Variants in ILRUN observed in about 807,000 individuals in gnomAD.
ILRUN encodes the protein inflammation and lipid regulator with UBA-like and NBR1-like domains.
ILRUN carries 3 observed loss-of-function variants against 33.8 expected under a neutral mutation model. The ratio of observed to expected loss-of-function variants is 0.09; its 90% confidence interval spans 0.04 to 0.23. ILRUN has a LOEUF of 0.23. ILRUN is among the 10% of genes least tolerant of loss of function. The pLI, the probability that ILRUN is intolerant of heterozygous loss-of-function variation, is 1.00. For missense variants in ILRUN, 210 were observed against 375.1 expected, an observed-to-expected ratio of 0.56 and a Z score of 3.64; for synonymous variants, 124 against 138.9, an observed-to-expected ratio of 0.89 and a Z score of 0.75.
At chr6:34,691,408 C>T (rs1657678958) in intron 1 of ILRUN, among the ~76,000 whole-genome samples, 1 of 152,194 alleles carries the variant, frequency 6.6e-6, no homozygotes, top group African/African-American at 2.4e-5. Context: ...CTTCTGTTAA[C>T]AGACAGTTCC....
intron 3 of ILRUN, among the ~76,000 whole-genome samples, chr6:34,623,795 T>A (rs1401593892): frequency 6.6e-6 from 1 of 152,176 alleles, no homozygotes; most frequent in Non-Finnish European, 1.5e-5. Context: ...TATATGCAAA[T>A]AGGAAGACAA....
At chr6:34,614,459 AT>A (rs1761834261) in intron 3 of ILRUN, among the ~76,000 whole-genome samples, 4 of 131,262 alleles carry the variant, frequency 3.0e-5, no homozygotes, top group African/African-American at 6.3e-5. Context: ...TATATATAAA[AT>A]GTATATTATA....
At chr6:34,675,501 T>C (rs988307594) in intron 1 of ILRUN, among the ~76,000 whole-genome samples, 2 of 152,014 alleles carry the variant, frequency 1.3e-5, no homozygotes, top group African/African-American at 2.4e-5. Flanking sequence ...TGTGCAGTCA[T>C]AAAGAAAACA....
chr6:34,642,978 G>A (rs528281716), intron 3 of ILRUN, among the ~76,000 whole-genome samples: 1 of 147,630 alleles, frequency 6.8e-6, no homozygotes, highest in Non-Finnish European at 1.5e-5. Flanking sequence ...GGGTGACCAA[G>A]GAGAAAAAAA....
chr6:34,604,073 T>C (rs945470889), intron 4 of ILRUN, among the ~76,000 whole-genome samples: 1 of 152,234 alleles, frequency 6.6e-6, no homozygotes, highest in Admixed American at 6.5e-5. Flanking sequence ...TTTCAACGCA[T>C]TATAGTCAAC....
In ILRUN at chr6:34,622,478, C is replaced by T. The variant is rs58520136; in HGVS notation, c.512-15574G>A. ...AAAAGATACTCAACATTACTAATCACCGGGGAAATGCAAATCAAACCACAA... is the reference window on the plus strand; with the variant it reads ...AAAAGATACTCAACATTACTAATCATCGGGGAAATGCAAATCAAACCACAA... On this transcript the variant is annotated intron_variant, in intron 3 of 4. Transcript: ENST00000374023. Among the ~76,000 whole-genome samples the T allele has an allele frequency of 4.9e-3, 744 of 152,004 alleles. 7 individuals are homozygous for T. Among genetic ancestry groups the T allele is most frequent in the African/African-American group, 0.016 (674 of 41,440 alleles).
chr6:34,643,425 C>T (rs1052844905), intron 3 of ILRUN, among the ~76,000 whole-genome samples: 1 of 152,102 alleles, frequency 6.6e-6, no homozygotes, highest in Admixed American at 6.6e-5. Context: ...CAAGCAAAGG[C>T]AATTTTCTAA....
chr6:34,674,114 G>C (rs953845051), intron 1 of ILRUN, among the ~76,000 whole-genome samples: 1 of 152,058 alleles, frequency 6.6e-6, no homozygotes, highest in Non-Finnish European at 1.5e-5. Flanking sequence ...TGCAACCTCC[G>C]CCTCCGGGTT....
intron 1 of ILRUN, among the ~76,000 whole-genome samples, chr6:34,683,724 T>C (rs1224243147): frequency 6.6e-6 from 1 of 151,756 alleles, no homozygotes; most frequent in Non-Finnish European, 1.5e-5. Flanking sequence ...ATATTTGGTC[T>C]TCAGTGTTTT....
At chr6:34,638,168 A>G (rs1356515031) in intron 3 of ILRUN, among the ~76,000 whole-genome samples, 1 of 151,756 alleles carries the variant, frequency 6.6e-6, no homozygotes, top group East Asian at 1.9e-4. Flanking sequence ...GACTACAGGC[A>G]TGAGCCACCA....
intron 1 of ILRUN, among the ~76,000 whole-genome samples, chr6:34,688,359 C>T (rs960189417): frequency 1.4e-5 from 2 of 148,090 alleles, no homozygotes; most frequent in Non-Finnish European, 1.5e-5. Flanking sequence ...GCCATGATAG[C>T]GCCAGTGCAC....
At chr6:34,652,718 G>A (rs1469693573) in intron 2 of ILRUN, among the ~76,000 whole-genome samples, 1 of 152,060 alleles carries the variant, frequency 6.6e-6, no homozygotes, top group East Asian at 1.9e-4. Flanking sequence ...CGTATTTTTA[G>A]CCTAGTTTTC....
chr6:34,676,276 G>A (rs1763227252), intron 1 of ILRUN, among the ~76,000 whole-genome samples: 1 of 151,774 alleles, frequency 6.6e-6, no homozygotes, highest in Non-Finnish European at 1.5e-5. Flanking sequence ...GCACATTCCT[G>A]TAGTCCCAGC....
chr6:34,696,285 C>T, intron 1 of ILRUN, 161 bp downstream of exon 1: 1 of 719,614 alleles, frequency 1.4e-6, no homozygotes, highest in Non-Finnish European at 2.2e-6. Flanking sequence ...CCCAAATACT[C>T]CCTATGCCCA....
At chr6:34,636,150 A>C (rs914861708) in intron 3 of ILRUN, among the ~76,000 whole-genome samples, 1 of 152,150 alleles carries the variant, frequency 6.6e-6, no homozygotes, top group African/African-American at 2.4e-5. Flanking sequence ...TGTGAGACTG[A>C]GGTGGGAGGA....
intron 1 of ILRUN, among the ~76,000 whole-genome samples, chr6:34,661,864 G>A (rs1762892397): frequency 6.6e-6 from 1 of 152,050 alleles, no homozygotes. Flanking sequence ...GGTGGCTCAC[G>A]CCTGTAATCC....
At chr6:34,653,386 A>T (rs1042921875) in intron 2 of ILRUN, among the ~76,000 whole-genome samples, 5 of 151,854 alleles carry the variant, frequency 3.3e-5, no homozygotes, top group Admixed American at 3.3e-4. Context: ...GCCCAACACC[A>T]TACCCGGTTA....
chr6:34,675,274 C>T (rs1196392693), intron 1 of ILRUN, among the ~76,000 whole-genome samples: 21 of 151,852 alleles, frequency 1.4e-4, no homozygotes, highest in Admixed American at 1.4e-3. Context: ...AAGCAAGACT[C>T]CATCTCAAAA....
intron 4 of ILRUN, chr6:34,596,021 G>A (rs956728974): frequency 3.8e-6 from 3 of 790,724 alleles, no homozygotes; most frequent in Non-Finnish European, 4.6e-6. Context: ...AACATTGTGT[G>A]GTGAGGCCCT....
Sources: gnomAD v4.1 joint callset for allele counts (sites outside exome capture counted in the v4.1 genomes callset) on GRCh38, gnomAD v4.1.1 for gene constraint, MANE v1.5 for transcripts, NCBI Gene and HGNC (gene_info 2026-07-23, HGNC 2026-07-21) for gene names.